The following TMC3 variants were observed in gnomAD, a reference collection of about 807,000 sequenced individuals.
The protein encoded by TMC3 is transmembrane channel like 3, also known as transmembrane channel-like protein 3.
Under a neutral mutation model 110.6 loss-of-function variants are expected in TMC3, and 98 were observed. The ratio of observed to expected loss-of-function variants is 0.89; its 90% CI spans 0.75 to 1.05. TMC3 has a LOEUF of 1.05. TMC3 is among the 50% of genes least tolerant of loss of function. The pLI is 0.00. For synonymous variants in TMC3, 489 were observed against 513.1 expected, an observed-to-expected ratio of 0.95 and a Z score of 0.63; for missense variants, 1,319 against 1,373.2, an observed-to-expected ratio of 0.96 and a Z score of 0.62.
intron 3 of TMC3, among the ~76,000 whole-genome samples, chr15:81,364,603 A>AGC (rs1339799533): frequency 6.6e-6 from 1 of 150,804 alleles, no homozygotes; most frequent in Non-Finnish European, 1.5e-5. Flanking sequence ...TAGTGGGTGC[A>AGC]GCGCACCAGC....
At chr15:81,340,224 G>GTCTCTCTC (rs5814056) in intron 16 of TMC3, among the ~76,000 whole-genome samples, 1 of 148,260 alleles carries the variant, frequency 6.7e-6, no homozygotes, top group Non-Finnish European at 1.5e-5. Context: ...CTCTGTCTCT[G>GTCTCTCTC]TCTCTCTCTC....
intron 2 of TMC3, among the ~76,000 whole-genome samples, chr15:81,368,923 G>A (rs1596098514): frequency 6.6e-6 from 1 of 152,068 alleles, no homozygotes; most frequent in East Asian, 1.9e-4. Flanking sequence ...AAATATAATT[G>A]GGATAGACAG....
intron 3 of TMC3, 39 bp downstream of exon 3, chr15:81,368,214 T>G: frequency 7.5e-5 from 114 of 1,511,632 alleles, no homozygotes; most frequent in Middle Eastern, 1.7e-4. Flanking sequence ...ATTACAGGTG[T>G]GAGCCACCGC....
At chr15:81,357,252 T>C (rs1441604053) in intron 7 of TMC3, among the ~76,000 whole-genome samples, 2 of 152,134 alleles carry the variant, frequency 1.3e-5, no homozygotes, top group African/African-American at 4.8e-5. Flanking sequence ...TCAGGGGAAC[T>C]GAAGGCCCCT....
intron 3 of TMC3, among the ~76,000 whole-genome samples, chr15:81,367,137 G>C (rs1036378536): frequency 6.6e-6 from 1 of 152,080 alleles, no homozygotes; most frequent in Non-Finnish European, 1.5e-5. Flanking sequence ...TATGTGCAAA[G>C]ATGTTCTTCG....
chr15:81,334,320 T>C (rs1893541824), intron 21 of TMC3, among the ~76,000 whole-genome samples: 2 of 152,200 alleles, frequency 1.3e-5, no homozygotes, highest in South Asian at 4.1e-4. Flanking sequence ...TAGGAAGGGA[T>C]CTACTGCTTT....
chr15:81,346,510 CA>C (rs751069424), intron 11 of TMC3, 67 bp from the exon 12 acceptor site: 65 of 1,477,742 alleles, frequency 4.4e-5, no homozygotes, highest in Non-Finnish European at 5.8e-5. Flanking sequence ...CTAGAGCCCC[CA>C]CATGGTTCTA....
In TMC3 at chr15:81,351,788, A is replaced by G; in HGVS notation, c.989T>C (p.Leu330Pro). ...IIANILVLLS[L>P]AGSIYLIYFV... is the part of the protein sequence containing the mutation. ...GTAGATGAGATAAATGCTCCCAGCC[A>G]GTGAGAGAAGCACCAGGATGTTGGC... Residue 330 changes from leucine to proline, a missense_variant, in exon 10 of 22, where the codon CTG (leucine) becomes CCG (proline). Leu to Pro is a moderately conservative substitution (Grantham distance 98). Coordinates refer to ENST00000359440, the MANE Select transcript of TMC3 (RefSeq NM_001080532.3). The G allele has an allele frequency of 6.2e-7, 1 of 1,610,158 alleles. No homozygotes were observed. Among genetic ancestry groups the G allele is most frequent in the South Asian group, 1.1e-5 (1 of 89,816 alleles).
chr15:81,349,759 C>CTTTTTTTTTTTTTTTTTTTTT (rs532576010), intron 10 of TMC3, among the ~76,000 whole-genome samples, 192 bp from the exon 11 acceptor site: 1 of 129,482 alleles, frequency 7.7e-6, no homozygotes. Flanking sequence ...TTATCATGGT[C>CTTTTTTTTTTTTTTTTTTTTT]TTTTTTTTTT....
At chr15:81,360,247 A>G (rs1164963984) in intron 4 of TMC3, among the ~76,000 whole-genome samples, 4 of 152,246 alleles carry the variant, frequency 2.6e-5, no homozygotes, top group Non-Finnish European at 5.9e-5. Context: ...ATTAGTTTCT[A>G]TTAAACTTTT....
rs58420711 is a variant in TMC3 at position 81,372,870 on chromosome 15, C to CGTGTGTGTGTGT, written c.90-145_90-134dup. ...TGTATGAAATGTGTATGTGTTTGTG[C>CGTGTGTGTGTGT]GTGTGTGTGTGTGTGTGTGTGTGTG... On this transcript the variant is annotated intron_variant, in intron 1 of 21. Transcript: ENST00000359440. 5.2e-3 allele frequency: 2,869 copies of CGTGTGTGTGTGT among 555,542 alleles called. 27 individuals are homozygous for CGTGTGTGTGTGT. Among genetic ancestry groups the CGTGTGTGTGTGT allele is most frequent in the Middle Eastern group, 0.015 (30 of 2,064 alleles). The allele number at this position is 555,542 out of a possible 1,614,324, so 34.4% of individuals were successfully genotyped here. A position where few individuals can be genotyped will look rare whatever the true frequency, so the allele number is the denominator to read the frequency against.
intron 12 of TMC3, among the ~76,000 whole-genome samples, chr15:81,345,943 C>T (rs1169541444): frequency 6.6e-6 from 1 of 152,142 alleles, no homozygotes; most frequent in African/African-American, 2.4e-5. Flanking sequence ...TCCTGCTGGG[C>T]TGGGATAGTA....
Position 81,332,758 on chromosome 15 carries a change from C to T in TMC3, c.2964G>A (p.Gln988=). The T allele has an allele frequency of 1.2e-6, 2 of 1,612,902 alleles. No individual in the cohort carries two copies. Among genetic ancestry groups the T allele is most frequent in the Non-Finnish European group, 1.7e-6 (2 of 1,179,492 alleles). The change falls in exon 22 of 22, where the codon CAG becomes CAA. Residue 988 remains glutamine (Q), a synonymous_variant. Coordinates refer to ENST00000359440, the MANE Select transcript of TMC3 (RefSeq NM_001080532.3). Reference sequence around the variant, plus strand: ...TCCACGACTTGTAGTGCACCCTCCCCTGGTGCTCGGGATCCCGGGTCTGAC... The same window carrying T: ...TCCACGACTTGTAGTGCACCCTCCCTTGGTGCTCGGGATCCCGGGTCTGAC... The part of the protein sequence containing the change: ...SESQTRDPEH[Q]GRVHYKSWNE...
At chr15:81,368,187 C>A in intron 3 of TMC3, 66 bp downstream of exon 3, 1 of 1,176,562 alleles carries the variant, frequency 8.5e-7, no homozygotes, top group Non-Finnish European at 1.3e-6. Context: ...CCTCCCTTGG[C>A]CTCCCAAAGC....
rs760211169 is a variant in TMC3 at position 81,336,492 on chromosome 15, G to A, written c.2203+117C>T. ...CTGAGGCAGGAGAATCACTTGAACC[G>A]GGAAGGTGGAGGTTGCAGTGAGCCG... On this transcript the variant is annotated intron_variant, in intron 20 of 21. Transcript: ENST00000359440. 6.3e-5 allele frequency: 58 copies of A among 920,122 alleles called. No individual in the cohort carries two copies. The Middle Eastern group carries it at 2.7e-3, about 43-fold the overall frequency. 57.0% of individuals were successfully genotyped at this position (920,122 alleles called of 1,614,324 possible). A position where few individuals can be genotyped will look rare whatever the true frequency, so the allele number is the denominator to read the frequency against.
chr15:81,334,833 G>C lies in TMC3; in HGVS notation c.2346C>G (p.Gly782=). 6.2e-7 allele frequency: 1 copy of C among 1,614,024 alleles called. No individual in the cohort carries two copies. Among genetic ancestry groups the C allele is most frequent in the Non-Finnish European group, 8.5e-7 (1 of 1,179,896 alleles). Residue 782 remains glycine, a synonymous_variant, in exon 21 of 22, where the codon GGC becomes GGG. Transcript: ENST00000359440. ...AHFDSGSSKS[G]RIETVAQSMP... The stretch of plus-strand genomic sequence containing the variant: ...TGGACTGTGCGACTGTCTCTATCCT[G>C]CCACTCTTGCTGCTCCCTGAGTCAA...
In TMC3 at chr15:81,333,277, C is replaced by T. The variant is rs1336814433; in HGVS notation, c.2460-15G>A. On this transcript the variant is annotated splice_polypyrimidine_tract_variant and intron_variant, in intron 21 of 21. Coordinates refer to ENST00000359440, the MANE Select transcript of TMC3 (RefSeq NM_001080532.3). ...CGTGCAGATACCTGTAAGACAGGGGCGGTTAAGTAGCTGTGGCCTTGGTGG... is the reference window on the plus strand; with the variant it reads ...CGTGCAGATACCTGTAAGACAGGGGTGGTTAAGTAGCTGTGGCCTTGGTGG... 14 of 1,585,130 alleles carry T rather than the reference C, an allele frequency of 8.8e-6. No homozygotes were observed. Among genetic ancestry groups the T allele is most frequent in the Middle Eastern group, 3.5e-4 (2 of 5,638 alleles).
In TMC3 at chr15:81,334,747, T is replaced by C. The variant is rs955844409; in HGVS notation, c.2432A>G (p.Lys811Arg). 3 of 1,613,948 alleles carry C rather than the reference T, an allele frequency of 1.9e-6. No individual in the cohort carries two copies. Among genetic ancestry groups the C allele is most frequent in the African/African-American group, 1.3e-5 (1 of 75,054 alleles). The change falls in exon 21 of 22, where the codon AAA becomes AGA. Residue 811 changes from lysine (K) to arginine (R), a missense_variant. Transcript: ENST00000359440. Reference sequence around the variant, plus strand: ...GTTAGTTTCATGCTCTAGCCTGGATTTGGGGACCCCAGGGAGAGGTGAGCT... The same window carrying C: ...GTTAGTTTCATGCTCTAGCCTGGATCTGGGGACCCCAGGGAGAGGTGAGCT... Reference protein sequence around the residue: ...APSSPLPGVPKSRLEHETNRY... With the variant: ...APSSPLPGVPRSRLEHETNRY...
intron 2 of TMC3, among the ~76,000 whole-genome samples, 182 bp downstream of exon 2, chr15:81,372,397 CACACACACACAG>C (rs1894456559): frequency 3.6e-5 from 5 of 139,096 alleles, no homozygotes; most frequent in Admixed American, 7.0e-5. Context: ...CACACACACA[CACACACACACAG>C]AGGAACTGGC....
Sources: gnomAD v4.1 joint callset for allele counts (sites outside exome capture counted in the v4.1 genomes callset) on GRCh38, gnomAD v4.1.1 for gene constraint, MANE v1.5 for transcripts, NCBI Gene and HGNC (gene_info 2026-07-23, HGNC 2026-07-21) for gene names.